VIT: variants seen among roughly 807,000 people sequenced by gnomAD.
VIT encodes vitrin.
A neutral mutation model predicts 78.0 loss-of-function variants in VIT; 99 were observed. That is an observed-to-expected ratio of 1.27 (90% CI 1.08 to 1.50). VIT has a LOEUF of 1.50. Among genes scored for constraint, VIT ranks in the 40% most tolerant of loss-of-function variants. The pLI is 0.00. For missense variants in VIT, 1,126 were observed against 875.3 expected, an observed-to-expected ratio of 1.29 and a Z score of -3.61; for synonymous variants, 374 against 334.3, an observed-to-expected ratio of 1.12 and a Z score of -1.29.
In VIT at chr2:36,729,433, G is replaced by A; in HGVS notation, c.60G>A (p.Leu20=). The change falls in exon 3 of 16, where the codon CTG becomes CTA. Residue 20 remains leucine (L), a synonymous_variant. Coordinates refer to ENST00000379242, the MANE Select transcript of VIT (RefSeq NM_053276.4). ...AAAATTTTCTTCATGTAGTTTTGCT[G>A]GTGACTGGAGTACATTCAAACAAAG... ...ASVIEMFLVL[L]VTGVHSNKET... The A allele has an allele frequency of 6.2e-7, 1 of 1,600,050 alleles. No homozygotes were observed. The highest frequency in any genetic ancestry group is 8.5e-7 in the Non-Finnish European group (1 of 1,175,130).
chr2:36,782,086 T>A (rs1291610883), intron 10 of VIT, among the ~76,000 whole-genome samples: 1 of 152,178 alleles, frequency 6.6e-6, no homozygotes, highest in African/African-American at 2.4e-5. Context: ...CACTTTAACT[T>A]CCTCCAACTC....
chr2:36,770,719 G>A (rs1669695135), intron 7 of VIT, among the ~76,000 whole-genome samples: 1 of 152,216 alleles, frequency 6.6e-6, no homozygotes, highest in Non-Finnish European at 1.5e-5. Context: ...ATCCCTCCAG[G>A]TTCAGCTACA....
At chr2:36,762,165 C>A (rs1669164277) in intron 6 of VIT, among the ~76,000 whole-genome samples, 2 of 152,196 alleles carry the variant, frequency 1.3e-5, no homozygotes, top group South Asian at 4.1e-4. Flanking sequence ...CATTCACCCC[C>A]AGCAAGCACT....
At chr2:36,780,581 C>T (rs1664678839) in intron 9 of VIT, among the ~76,000 whole-genome samples, 2 of 152,162 alleles carry the variant, frequency 1.3e-5, no homozygotes, top group African/African-American at 4.8e-5. Flanking sequence ...CTCAAGGTCA[C>T]ACACCTGGTT....
intron 6 of VIT, among the ~76,000 whole-genome samples, chr2:36,764,126 G>A (rs576201017): frequency 5.5e-4 from 83 of 152,256 alleles, no homozygotes; most frequent in Non-Finnish European, 6.6e-4. Flanking sequence ...AGATAATTCC[G>A]ATTTTCAATA....
chr2:36,779,994 G>A (rs892180314), intron 9 of VIT, among the ~76,000 whole-genome samples: 2 of 152,178 alleles, frequency 1.3e-5, no homozygotes, highest in Non-Finnish European at 2.9e-5. Context: ...CCCAGGATGG[G>A]CTTCTGATGT....
chr2:36,726,490 G>T (rs1455712494), intron 2 of VIT, among the ~76,000 whole-genome samples: 2 of 152,124 alleles, frequency 1.3e-5, no homozygotes, highest in Non-Finnish European at 1.5e-5. Flanking sequence ...CAAAGAACAT[G>T]ATTTTTTTCA....
intron 6 of VIT, 36 bp downstream of exon 6, chr2:36,759,082 G>A (rs761367040): frequency 5.5e-5 from 88 of 1,614,050 alleles, no homozygotes; most frequent in Non-Finnish European, 6.7e-5. Flanking sequence ...TAAACCTTCT[G>A]AGTCCATGAA....
chr2:36,706,623 C>A (rs553756269), intron 1 of VIT, among the ~76,000 whole-genome samples: 56 of 152,296 alleles, frequency 3.7e-4, no homozygotes, highest in Admixed American at 3.0e-3. Context: ...CTTTCAGAAT[C>A]CCGATTCCAA....
At chr2:36,786,095 C>T (rs543120356) in intron 11 of VIT, among the ~76,000 whole-genome samples, 1 of 152,144 alleles carries the variant, frequency 6.6e-6, no homozygotes, top group African/African-American at 2.4e-5. Flanking sequence ...GCCGCTGCTC[C>T]CCACCCACAA....
intron 6 of VIT, among the ~76,000 whole-genome samples, chr2:36,760,632 C>T (rs114153022): frequency 0.011 from 1,732 of 152,196 alleles, 39 homozygotes; most frequent in African/African-American, 0.04. Flanking sequence ...TTCATCTGGC[C>T]CTGTGGCTCT....
At chr2:36,758,814 A>G (rs779124632) in intron 5 of VIT, among the ~76,000 whole-genome samples, 155 bp from the exon 6 acceptor site, 1 of 152,230 alleles carries the variant, frequency 6.6e-6, no homozygotes. Flanking sequence ...ATGCCACATG[A>G]CATTCTCATT....
Position 36,808,812 on chromosome 2 carries a change from T to C in VIT, c.1730T>C (p.Ile577Thr), listed in dbSNP as rs1666937582. Residue 577 changes from isoleucine to threonine, a missense_variant, in exon 15 of 16, where the codon ATC becomes ACC. Physicochemically the swap from Ile to Thr is moderately conservative, Grantham distance 89. Transcript: ENST00000379242. ...AGCAAGCCTGACATCCTCAACGCCA[T>C]CAAGAGGGTGGGCTACTGGAGTGGT... ...YSSKPDILNAIKRVGYWSGGT... is the reference protein window; with the variant it reads ...YSSKPDILNATKRVGYWSGGT... The C allele has an allele frequency of 1.2e-6, 2 of 1,613,988 alleles. No individual in the cohort carries two copies. The highest frequency in any genetic ancestry group is 2.2e-5 in the South Asian group (2 of 91,088).
In VIT at chr2:36,767,119, G is replaced by T; in HGVS notation, c.513G>T (p.Arg171Ser). 2 of 1,603,484 alleles carry T rather than the reference G, an allele frequency of 1.2e-6. No individual in the cohort carries two copies. The highest frequency in any genetic ancestry group is 1.1e-5 in the South Asian group (1 of 88,918). ...GTGAGACCACAAAAGCCTATCAGAG[G>T]CCACCTATTCCAGGGACAACTGCAC... ...QAGETTKAYQ[R>S]PPIPGTTAQP... is the part of the protein sequence containing the mutation. Residue 171 changes from arginine (R) to serine (S), a missense_variant, in exon 7 of 16, where the codon AGG becomes AGT. By Grantham distance (110) the Arg-to-Ser change is moderately radical (BLOSUM62 -1). Coordinates refer to ENST00000379242, the MANE Select transcript of VIT (RefSeq NM_053276.4).
Position 36,728,939 on chromosome 2 carries a change from C to A in VIT, c.53-487C>A, listed in dbSNP as rs538041100. Among the ~76,000 whole-genome samples, 3 of 152,110 alleles carry A rather than the reference C, an allele frequency of 2.0e-5. No individual in the cohort carries two copies. The South Asian group carries it at 6.2e-4, about 32-fold the overall frequency. On this transcript the variant is annotated intron_variant, in intron 2 of 15. Coordinates refer to ENST00000379242, the MANE Select transcript of VIT (RefSeq NM_053276.4). Reference sequence around the variant, plus strand: ...CCTAGGCCTTCACACTCACTCACCCCTCACTCACTGACTCACCCAGAGCAA... The same window carrying A: ...CCTAGGCCTTCACACTCACTCACCCATCACTCACTGACTCACCCAGAGCAA...
chr2:36,793,583 A>T (rs1409269537), intron 12 of VIT, among the ~76,000 whole-genome samples: 2 of 152,232 alleles, frequency 1.3e-5, no homozygotes, highest in African/African-American at 4.8e-5. Flanking sequence ...GACCTGAAAC[A>T]TCCTCCTGAT....
chr2:36,731,013 G>A (rs375299493), intron 3 of VIT, among the ~76,000 whole-genome samples: 84 of 152,270 alleles, frequency 5.5e-4, no homozygotes, highest in African/African-American at 1.9e-3. Flanking sequence ...TCCATCAGAG[G>A]AAAGCGCACC....
chr2:36,723,409 C>T (rs1666635471), intron 2 of VIT, among the ~76,000 whole-genome samples: 2 of 152,130 alleles, frequency 1.3e-5, no homozygotes, highest in Non-Finnish European at 2.9e-5. Context: ...ATGGCCCTGC[C>T]TGCTTATACT....
At chr2:36,811,390 G>A (rs1308446288) in intron 15 of VIT, among the ~76,000 whole-genome samples, 1 of 152,162 alleles carries the variant, frequency 6.6e-6, no homozygotes, top group Non-Finnish European at 1.5e-5. Context: ...GGTATCCTTG[G>A]CCTACTCATC....
Sources: allele counts gnomAD v4.1 joint callset (sites outside exome capture counted in the v4.1 genomes callset), GRCh38; gene constraint gnomAD v4.1.1; transcripts MANE v1.5; gene names NCBI Gene and HGNC (gene_info 2026-07-23, HGNC 2026-07-21).